The following FAIM2 variants were observed in gnomAD, a reference collection of about 807,000 sequenced individuals.
The protein encoded by FAIM2 is Fas apoptotic inhibitory molecule 2.
In FAIM2, 27 loss-of-function variants were observed where a neutral mutation model predicts 47.4. The observed-to-expected ratio is 0.57, with a 90% CI of 0.42 to 0.78. FAIM2 has a LOEUF of 0.78. Among genes scored for constraint, FAIM2 ranks in the 30% least tolerant of loss-of-function variants. The pLI, the probability that FAIM2 is intolerant of heterozygous loss-of-function variation, is 0.00. For missense variants in FAIM2, 311 were observed against 389.4 expected (o/e 0.80, Z 1.69); for synonymous variants, 156 against 159.3 (o/e 0.98, Z 0.16).
In FAIM2 at chr12:49,888,429, T is replaced by C. The variant is rs138483681; in HGVS notation, c.747+678A>G. Among the ~76,000 whole-genome samples, 1,019 of 152,072 alleles carry C rather than the reference T, an allele frequency of 6.7e-3. 7 individuals are homozygous for C. The highest frequency in any genetic ancestry group is 0.023 in the African/African-American group (955 of 41,454). On this transcript the variant is annotated intron_variant, in intron 10 of 11. Coordinates refer to ENST00000320634, the MANE Select transcript of FAIM2 (RefSeq NM_012306.4). ...TGTGTGGCTATGGGGGTGAGGGGTA[T>C]AAGCACTGGGCCCCCAGCAGCGGTC...
Position 49,897,519 on chromosome 12 carries a change from CA to C in FAIM2, c.379del (p.Cys127ValfsTer27). 1 of 1,614,050 alleles carries C rather than the reference CA, an allele frequency of 6.2e-7. No individual in the cohort carries two copies. The highest frequency in any genetic ancestry group is 8.5e-7 in the Non-Finnish European group (1 of 1,179,944). On this transcript the variant is annotated frameshift_variant and splice_region_variant, in exon 4 of 12. Transcript: ENST00000320634. LOFTEE classifies it high-confidence loss of function. ...GTGCTGGTCCATGCTGCCAACTCAC[CA>C]GAAAGTAAAGAGAGCCACGACAGCC... is the stretch of plus-strand genomic sequence containing the variant. ...TLAVVALFTF[C>X]DPVKDYVQAN... is the part of the protein sequence containing the mutation.
chr12:49,879,216 A>G (rs560009968), intron 11 of FAIM2, among the ~76,000 whole-genome samples: 1 of 67,696 alleles, frequency 1.5e-5, no homozygotes, highest in East Asian at 5.6e-4. Context: ...ATGAGTGTGT[A>G]TGTGCATGTG....
intron 5 of FAIM2, among the ~76,000 whole-genome samples, chr12:49,893,200 A>G (rs1180892552): frequency 2.6e-5 from 4 of 152,158 alleles, no homozygotes; most frequent in Non-Finnish European, 2.9e-5. Context: ...GCCCTGGCTG[A>G]GCAATCAGAC....
intron 5 of FAIM2, 148 bp downstream of exon 5, chr12:49,896,883 G>A (rs1946941353): frequency 2.8e-6 from 2 of 712,960 alleles, no homozygotes; most frequent in African/African-American, 3.5e-5. Context: ...CGACAGAATG[G>A]GGCAGGGTTG....
At chr12:49,896,229 T>A (rs1017253017) in intron 5 of FAIM2, among the ~76,000 whole-genome samples, 91 of 152,306 alleles carry the variant, frequency 6.0e-4, no homozygotes, top group African/African-American at 1.9e-3. Context: ...CGAGAGCAGT[T>A]CTGCTCTGAG....
chr12:49,887,254 A>T (rs1946868111), intron 11 of FAIM2, 132 bp downstream of exon 11: 5 of 778,602 alleles, frequency 6.4e-6, no homozygotes. Flanking sequence ...CGCAGCACCG[A>T]GCCTAGCCCT....
chr12:49,880,395 TGA>T lies in FAIM2; in HGVS notation c.801+6989_801+6990del, dbSNP rs1346005249. 7.3e-5 allele frequency among the ~76,000 whole-genome samples: 11 copies of T among 151,708 alleles called. No homozygotes were observed. In the East Asian group the frequency reaches 7.8e-4, roughly 11 times the overall value. On this transcript the variant is annotated intron_variant, in intron 11 of 11. Coordinates refer to ENST00000320634, the MANE Select transcript of FAIM2 (RefSeq NM_012306.4). ...GTGTATGTGTGTCTATGTGTGCATG[TGA>T]GTGTATGTATGTGCATGTGTATATG...
Position 49,870,488 on chromosome 12 carries a change from G to A in FAIM2, c.*16C>T. On this transcript the variant is annotated 3_prime_UTR_variant, in exon 12 of 12. Coordinates refer to ENST00000320634, the MANE Select transcript of FAIM2 (RefSeq NM_012306.4). ...GGGGCGCATTCTCTGGAGGACGGTG[G>A]GGCAGGGAGGGCTCCTCATTCTCGG... 6.2e-7 allele frequency: 1 copy of A among 1,611,748 alleles called. No individual in the cohort carries two copies.
intron 2 of FAIM2, among the ~76,000 whole-genome samples, chr12:49,899,495 C>T (rs1390475369): frequency 6.6e-6 from 1 of 152,212 alleles, no homozygotes; most frequent in Non-Finnish European, 1.5e-5. Flanking sequence ...TACATTCCTC[C>T]CCCGATCAGG....
At chr12:49,878,274 ATGTGTCTAT>A (rs1946757054) in intron 11 of FAIM2, among the ~76,000 whole-genome samples, 1 of 120,212 alleles carries the variant, frequency 8.3e-6, no homozygotes. Context: ...GTGTGTGTCC[ATGTGTCTAT>A]ATGTGAGTGT....
intron 3 of FAIM2, 51 bp downstream of exon 3, chr12:49,897,936 G>C: frequency 7.0e-7 from 1 of 1,423,012 alleles, no homozygotes; most frequent in South Asian, 1.1e-5. Flanking sequence ...ACCTCTCCAG[G>C]GGCTCCCCCA....
At position 49,898,005 on chromosome 12, in the gene FAIM2, A is replaced by G. The variant is rs145592381; in HGVS notation, c.297T>C (p.Arg99=). The part of the protein sequence containing the change: ...TTFSWDDQKV[R]RVFVRKVYTI... ...GCATTACCTTTCTGACAAAGACTCG[A>G]CGAACTTTCTGGTCATCCCAGCTGA... is the stretch of plus-strand genomic sequence containing the variant. The change falls in exon 3 of 12, where the codon CGT becomes CGC. Residue 99 remains arginine, a synonymous_variant. Transcript: ENST00000320634. 16 of 1,613,808 alleles carry G rather than the reference A, an allele frequency of 9.9e-6. No individual in the cohort carries two copies. The African/African-American group carries it at 1.9e-4, about 19-fold the overall frequency.
chr12:49,873,996 G>A (rs1360729779), intron 11 of FAIM2, among the ~76,000 whole-genome samples: 1 of 152,230 alleles, frequency 6.6e-6, no homozygotes, highest in Non-Finnish European at 1.5e-5. Context: ...ACAGGGGAAA[G>A]TCATCTGCTG....
At chr12:49,894,964 G>A (rs1946925642) in intron 5 of FAIM2, among the ~76,000 whole-genome samples, 1 of 152,156 alleles carries the variant, frequency 6.6e-6, no homozygotes, top group Non-Finnish European at 1.5e-5. Flanking sequence ...GGAGTCCTCA[G>A]GGAGCACATG....
chr12:49,889,419 C>G, intron 9 of FAIM2, 62 bp downstream of exon 9: 1 of 1,475,242 alleles, frequency 6.8e-7, no homozygotes, highest in South Asian at 1.1e-5. Context: ...GCCCCCACCC[C>G]ATCTGCCTTC....
chr12:49,898,356 CCTGGGG>C, intron 2 of FAIM2, among the ~76,000 whole-genome samples: 1 of 52,932 alleles, frequency 1.9e-5, no homozygotes, highest in Admixed American at 2.1e-4. Context: ...GCTGGGGCTC[CCTGGGG>C]ACCAAGCTCT....
chr12:49,879,284 ATGT>A lies in FAIM2; in HGVS notation c.801+8099_801+8101del, dbSNP rs1946779926. Among the ~76,000 whole-genome samples, 2 of 17,300 alleles carry A rather than the reference ATGT, an allele frequency of 1.2e-4. 1 individual carries two copies. Among genetic ancestry groups the A allele is most frequent in the African/African-American group, 8.7e-4 (2 of 2,290 alleles). The allele number at this position is 17,300 out of a possible 152,430, so 11.3% of individuals were successfully genotyped here. A position where few individuals can be genotyped will look rare whatever the true frequency, so the allele number is the denominator to read the frequency against. On this transcript the variant is annotated intron_variant, in intron 11 of 11. Coordinates refer to ENST00000320634, the MANE Select transcript of FAIM2 (RefSeq NM_012306.4). ...TATGTGTGCATGTGTATATGTGTGT[ATGT>A]GTGTGGGTATGTGTATGCATGTGCA... is the stretch of plus-strand genomic sequence containing the variant.
chr12:49,901,014 G>A lies in FAIM2; in HGVS notation c.211+116C>T, dbSNP rs1002083464. 4 of 757,922 alleles carry A rather than the reference G, an allele frequency of 5.3e-6. No individual in the cohort carries two copies. In the African/African-American group the frequency reaches 7.4e-5, roughly 14 times the overall value. 46.9% of individuals were successfully genotyped at this position (757,922 alleles called of 1,614,324 possible). A position where few individuals can be genotyped will look rare whatever the true frequency, so the allele number is the denominator to read the frequency against. The stretch of plus-strand genomic sequence containing the variant: ...CAAATCCTAAGCATCTAACAACACA[G>A]CTTCATACAACCACACAGTGTACCT... On this transcript the variant is annotated intron_variant, in intron 2 of 11. Transcript: ENST00000320634.
intron 11 of FAIM2, among the ~76,000 whole-genome samples, chr12:49,883,193 C>T (rs1441390931): frequency 6.6e-6 from 1 of 151,982 alleles, no homozygotes; most frequent in Non-Finnish European, 1.5e-5. Flanking sequence ...GGATGCTCAA[C>T]GGAGGAACGA....
Sources: allele counts gnomAD v4.1 joint callset (sites outside exome capture counted in the v4.1 genomes callset), GRCh38; gene constraint gnomAD v4.1.1; transcripts MANE v1.5; gene names NCBI Gene and HGNC (gene_info 2026-07-23, HGNC 2026-07-21).